Variants in STRN observed in about 807,000 individuals in gnomAD.
STRN encodes the protein striatin, also known as protein phosphatase 2 regulatory subunit B'''alpha.
STRN carries 53 observed loss-of-function variants against 96.3 expected under a neutral mutation model. The observed-to-expected ratio is 0.55, with a 90% CI of 0.44 to 0.69. STRN has a LOEUF of 0.69. Ranked by LOEUF, STRN falls within the 30% of genes least tolerant of loss-of-function variation. The probability of loss-of-function intolerance (pLI) is 0.00; values close to 1 mark genes in which losing one functional copy is unlikely to be tolerated. For synonymous variants in STRN, 428 were observed against 355.9 expected (o/e 1.20, Z -2.28); for missense variants, 987 against 963.9 (o/e 1.02, Z -0.32).
At chr2:36,947,645 G>A (rs1414181323) in intron 1 of STRN, among the ~76,000 whole-genome samples, 2 of 150,470 alleles carry the variant, frequency 1.3e-5, no homozygotes, top group East Asian at 1.9e-4. Context: ...ACAAAAATTC[G>A]ATGTTCTTTG....
intron 1 of STRN, among the ~76,000 whole-genome samples, chr2:36,933,168 CAATA>C (rs1229845238): frequency 6.6e-6 from 1 of 151,856 alleles, no homozygotes; most frequent in Non-Finnish European, 1.5e-5. Context: ...ATTCAATAAA[CAATA>C]AATACAAAAT....
chr2:36,867,874 G>A lies in STRN; in HGVS notation c.1500-13C>T. On this transcript the variant is annotated splice_polypyrimidine_tract_variant and intron_variant, in intron 11 of 17. Coordinates refer to ENST00000263918, the MANE Select transcript of STRN (RefSeq NM_003162.4). The stretch of plus-strand genomic sequence containing the variant: ...AAGAGAAGTGCTCCTAAATCAGAGA[G>A]AGATGACTTTACCATTCTAAGTGTC... 6.3e-7 allele frequency: 1 copy of A among 1,582,822 alleles called. No individual in the cohort carries two copies. Among genetic ancestry groups the A allele is most frequent in the Non-Finnish European group, 8.6e-7 (1 of 1,167,270 alleles).
At chr2:36,876,149 G>A (rs188882700) in intron 10 of STRN, among the ~76,000 whole-genome samples, 62 of 152,080 alleles carry the variant, frequency 4.1e-4, no homozygotes, top group African/African-American at 1.4e-3. Flanking sequence ...GCGTGCCTAT[G>A]GTCCCAGCTA....
chr2:36,955,649 C>T (rs952497065), intron 1 of STRN, among the ~76,000 whole-genome samples: 14 of 152,136 alleles, frequency 9.2e-5, no homozygotes, highest in African/African-American at 3.4e-4. Flanking sequence ...AAATCTGCCT[C>T]GATTACTACG....
intron 7 of STRN, among the ~76,000 whole-genome samples, chr2:36,892,905 A>G (rs542492099): frequency 6.6e-6 from 1 of 152,184 alleles, no homozygotes; most frequent in Non-Finnish European, 1.5e-5. Flanking sequence ...CTGTAGTCCC[A>G]GCTACTCAGG....
chr2:36,860,170 G>A (rs547292371), intron 13 of STRN, among the ~76,000 whole-genome samples: 28 of 152,178 alleles, frequency 1.8e-4, no homozygotes, highest in Non-Finnish European at 3.2e-4. Context: ...AACAAGAGCA[G>A]AAGAGCAAGA....
At chr2:36,863,095 T>G (rs180671876) in intron 12 of STRN, among the ~76,000 whole-genome samples, 12 of 152,298 alleles carry the variant, frequency 7.9e-5, no homozygotes, top group Admixed American at 2.0e-4. Context: ...ATTCATAGTT[T>G]GCAAATATTT....
intron 1 of STRN, among the ~76,000 whole-genome samples, chr2:36,950,213 G>GTTTTTTTTT (rs745506504): frequency 1.3e-4 from 14 of 109,042 alleles, no homozygotes; most frequent in East Asian, 1.2e-3. Flanking sequence ...GTTTGGTTTT[G>GTTTTTTTTT]TTTTTTTTTT....
intron 12 of STRN, 48 bp from the exon 13 acceptor site, chr2:36,861,301 C>G: frequency 6.3e-7 from 1 of 1,592,600 alleles, no homozygotes; most frequent in Non-Finnish European, 8.5e-7. Flanking sequence ...AAAAACCAAC[C>G]TGATAATATG....
At chr2:36,939,830 A>G (rs145866675) in intron 1 of STRN, among the ~76,000 whole-genome samples, 1 of 152,374 alleles carries the variant, frequency 6.6e-6, no homozygotes, top group East Asian at 1.9e-4. Flanking sequence ...GTAACAACTA[A>G]AAGTATATTA....
intron 1 of STRN, among the ~76,000 whole-genome samples, chr2:36,932,159 G>C (rs1489087614): frequency 2.0e-5 from 3 of 150,456 alleles, no homozygotes; most frequent in African/African-American, 7.3e-5. Context: ...TCTACAGCTA[G>C]TTTTACTTTT....
intron 1 of STRN, among the ~76,000 whole-genome samples, chr2:36,960,942 G>A (rs893005407): frequency 1.3e-5 from 2 of 151,884 alleles, no homozygotes; most frequent in Non-Finnish European, 2.9e-5. Flanking sequence ...TGGCACCCAG[G>A]CTAGAGTGCA....
In STRN at chr2:36,849,262, T is replaced by C. The variant is rs1668157700; in HGVS notation, c.*194A>G. On this transcript the variant is annotated 3_prime_UTR_variant, in exon 18 of 18. Transcript: ENST00000263918. ...CTCAGGCTCACAGATTCAGCTGAGC[T>C]TGCAGCAACCTGAACAAACCTTAGT... is the stretch of plus-strand genomic sequence containing the variant. 3 of 622,504 alleles carry C rather than the reference T, an allele frequency of 4.8e-6. No individual in the cohort carries two copies. Among genetic ancestry groups the C allele is most frequent in the African/African-American group, 1.8e-5 (1 of 54,618 alleles). 38.6% of individuals were successfully genotyped at this position (622,504 alleles called of 1,614,324 possible).
rs1244490456 is a variant in STRN, at chr2:36,838,453, T to C, written c.*11003A>G. 6.6e-6 allele frequency among the ~76,000 whole-genome samples: 1 copy of C among 152,154 alleles called. No individual in the cohort carries two copies. The highest frequency in any genetic ancestry group is 1.5e-5 in the Non-Finnish European group (1 of 68,024). The stretch of plus-strand genomic sequence containing the variant: ...AGTGCAATCCAGATGACCAAAACAT[T>C]TGAAAAGATGTCTACATTTATAGTA... On this transcript the variant is annotated 3_prime_UTR_variant, in exon 18 of 18. Transcript: ENST00000263918.
intron 9 of STRN, among the ~76,000 whole-genome samples, chr2:36,882,016 T>G (rs531979237): frequency 1.3e-5 from 2 of 152,286 alleles, no homozygotes; most frequent in Non-Finnish European, 2.9e-5. Flanking sequence ...ACATCTACAG[T>G]GTGATGTGTT....
intron 2 of STRN, among the ~76,000 whole-genome samples, 178 bp from the exon 3 acceptor site, chr2:36,916,329 C>T (rs1338325002): frequency 6.6e-6 from 1 of 152,086 alleles, no homozygotes; most frequent in Non-Finnish European, 1.5e-5. Flanking sequence ...TTCGTTGTTG[C>T]TGTTGTTATA....
intron 7 of STRN, among the ~76,000 whole-genome samples, chr2:36,892,281 A>G (rs1669420914): frequency 6.6e-6 from 1 of 152,216 alleles, no homozygotes; most frequent in Admixed American, 6.5e-5. Context: ...CAGGGAGGGC[A>G]GTAAGCGCTG....
rs1329909435 is a variant in STRN, at chr2:36,923,450, A to C, written c.338+1655T>G. ...TAGGCAACAAAGCAGGACTCCAAAA[A>C]AAAAAAAAAAAAAACAACTCACTAC... On this transcript the variant is annotated intron_variant, in intron 2 of 17. Coordinates refer to ENST00000263918, the MANE Select transcript of STRN (RefSeq NM_003162.4). Among the ~76,000 whole-genome samples, 12 of 151,834 alleles carry C rather than the reference A, an allele frequency of 7.9e-5. No homozygotes were observed. In the East Asian group the frequency reaches 1.7e-3, roughly 22 times the overall value.
rs565676648 is a variant in STRN, at chr2:36,924,991, G to C, written c.338+114C>G. 6.6e-5 allele frequency: 56 copies of C among 843,878 alleles called. No homozygotes were observed. In the South Asian group the frequency reaches 8.7e-4, roughly 13 times the overall value. The allele number at this position is 843,878 out of a possible 1,614,324, so 52.3% of individuals were successfully genotyped here. A position where few individuals can be genotyped will look rare whatever the true frequency, so the allele number is the denominator to read the frequency against. ...GAATTGCTTGAAACCGGGAGGCGGA[G>C]GTCGCGGTGAGCCAAGATCGTACCA... On this transcript the variant is annotated intron_variant, in intron 2 of 17. Coordinates refer to ENST00000263918, the MANE Select transcript of STRN (RefSeq NM_003162.4).
Sources: allele counts gnomAD v4.1 joint callset (sites outside exome capture counted in the v4.1 genomes callset), GRCh38; gene constraint gnomAD v4.1.1; transcripts MANE v1.5; gene names NCBI Gene and HGNC (gene_info 2026-07-23, HGNC 2026-07-21).